The following CCDC192 variants were observed in gnomAD, a reference collection of about 807,000 sequenced individuals.
CCDC192 encodes the protein coiled-coil domain containing 192.
At chr5:127,736,716 T>A (rs1168070190) in intron 2 of CCDC192, among the ~76,000 whole-genome samples, 3 of 151,492 alleles carry the variant, frequency 2.0e-5, no homozygotes, top group Non-Finnish European at 4.4e-5. Context: ...TTTATTTGCA[T>A]AGAGGTGTTT....
intron 5 of CCDC192, among the ~76,000 whole-genome samples, chr5:127,815,641 G>A (rs775517436): frequency 2.6e-5 from 4 of 152,140 alleles, no homozygotes; most frequent in African/African-American, 9.6e-5. Flanking sequence ...GGCTGAGACG[G>A]GTGGGTCACG....
rs1241789294 is a variant in CCDC192 at position 127,719,837 on chromosome 5, G to GGC, written c.114+12078_114+12079insCG. ...ATGGCCAGATCAGAGGAAGGGGCGG[G>GGC]GGAGGTGACACATGCTTTTTAAACC... On this transcript the variant is annotated intron_variant, in intron 2 of 6. Transcript: ENST00000514853. Among the ~76,000 whole-genome samples, 3 of 149,614 alleles carry GGC rather than the reference G, an allele frequency of 2.0e-5. 1 individual carries two copies. Among genetic ancestry groups the GGC allele is most frequent in the Non-Finnish European group, 4.5e-5 (3 of 67,236 alleles).
intron 5 of CCDC192, among the ~76,000 whole-genome samples, chr5:127,798,998 C>A (rs1191779225): frequency 6.6e-6 from 1 of 152,158 alleles, no homozygotes; most frequent in Non-Finnish European, 1.5e-5. Flanking sequence ...AGGATCTGAA[C>A]AACCCAAATG....
intron 5 of CCDC192, among the ~76,000 whole-genome samples, chr5:127,839,943 C>G (rs546775131): frequency 6.6e-6 from 1 of 152,282 alleles, no homozygotes; most frequent in South Asian, 2.1e-4. Flanking sequence ...GCACCTACTT[C>G]ATAAAGTTTC....
intron 5 of CCDC192, among the ~76,000 whole-genome samples, chr5:127,816,118 A>C (rs980107838): frequency 1.3e-5 from 2 of 152,192 alleles, no homozygotes; most frequent in Non-Finnish European, 2.9e-5. Context: ...GGAGGGGCTT[A>C]TGATGGACTT....
At chr5:127,881,111 T>A (rs1319135700) in intron 6 of CCDC192, among the ~76,000 whole-genome samples, 2 of 152,138 alleles carry the variant, frequency 1.3e-5, no homozygotes, top group East Asian at 3.9e-4. Context: ...AAGAAATAAA[T>A]CTCCAGTGGT....
intron 3 of CCDC192, chr5:127,787,134 A>T (rs903556769): frequency 4.4e-6 from 1 of 227,722 alleles, no homozygotes; most frequent in African/African-American, 2.3e-5. Flanking sequence ...TACCATTCCA[A>T]ATTTATTCAC....
chr5:127,807,494 G>A (rs1032392630), intron 5 of CCDC192, among the ~76,000 whole-genome samples: 2 of 151,866 alleles, frequency 1.3e-5, no homozygotes, highest in African/African-American at 2.4e-5. Context: ...GCTTCTTGGG[G>A]GTAGAGCCTG....
At chr5:127,939,252 G>A (rs1387828612) in intron 6 of CCDC192, among the ~76,000 whole-genome samples, 1 of 150,950 alleles carries the variant, frequency 6.6e-6, no homozygotes, top group Non-Finnish European at 1.5e-5. Context: ...CGAGTAGCTG[G>A]GATTACAGGT....
At chr5:127,761,440 C>T (rs1270977310) in intron 3 of CCDC192, among the ~76,000 whole-genome samples, 1 of 152,124 alleles carries the variant, frequency 6.6e-6, no homozygotes, top group Non-Finnish European at 1.5e-5. Context: ...TGTGGGACTA[C>T]GCTTAAACTT....
intron 5 of CCDC192, among the ~76,000 whole-genome samples, chr5:127,813,637 G>C (rs1758201826): frequency 6.6e-6 from 1 of 152,094 alleles, no homozygotes; most frequent in African/African-American, 2.4e-5. Flanking sequence ...TGACTGAAAA[G>C]TTTTGTCATA....
intron 6 of CCDC192, among the ~76,000 whole-genome samples, chr5:127,905,326 T>C (rs1753166062): frequency 6.6e-6 from 1 of 152,214 alleles, no homozygotes. Flanking sequence ...ATTCCCTCTA[T>C]GCATAATAAG....
intron 2 of CCDC192, among the ~76,000 whole-genome samples, chr5:127,745,132 A>G (rs1457275098): frequency 6.6e-6 from 1 of 152,184 alleles, no homozygotes; most frequent in African/African-American, 2.4e-5. Flanking sequence ...CTGTTCAGCA[A>G]AGTCCCATCT....
At chr5:127,779,614 A>G (rs77756711) in intron 3 of CCDC192, among the ~76,000 whole-genome samples, 403 of 152,358 alleles carry the variant, frequency 2.6e-3, no homozygotes, top group African/African-American at 8.9e-3. Flanking sequence ...GTAAAATTAC[A>G]TACCATCACC....
intron 3 of CCDC192, among the ~76,000 whole-genome samples, chr5:127,773,366 C>T (rs1445383319): frequency 6.6e-6 from 1 of 152,172 alleles, no homozygotes; most frequent in Non-Finnish European, 1.5e-5. Context: ...GCAACCAACT[C>T]TTTCAAGTTT....
rs567043768 is a variant in CCDC192 at position 127,793,663 on chromosome 5, AT to A, written c.223-3439del. Among the ~76,000 whole-genome samples the A allele has an allele frequency of 9.5e-4, 145 of 152,358 alleles. 2 individuals are homozygous for A. The highest frequency in any genetic ancestry group is 3.3e-3 in the African/African-American group (139 of 41,580). ...ATCTTTACAATGAAGATAACAAAAAATATAAAGAAAATTGCTGATAGGGTTT... is the reference window on the plus strand; with the variant it reads ...ATCTTTACAATGAAGATAACAAAAAAATAAAGAAAATTGCTGATAGGGTTT... On this transcript the variant is annotated intron_variant, in intron 3 of 6. Coordinates refer to ENST00000514853, the MANE Select transcript of CCDC192 (RefSeq NM_001317938.2).
At chr5:127,925,753 C>T (rs546375787) in intron 6 of CCDC192, among the ~76,000 whole-genome samples, 1 of 152,308 alleles carries the variant, frequency 6.6e-6, no homozygotes, top group African/African-American at 2.4e-5. Context: ...TATTGCTTCT[C>T]GTTCGCTTAA....
At chr5:127,709,207 GA>G (rs1751174837) in intron 2 of CCDC192, among the ~76,000 whole-genome samples, 2 of 17,190 alleles carry the variant, frequency 1.2e-4, no homozygotes, top group Admixed American at 6.0e-4. Context: ...GAGGGGGAGA[GA>G]GAGAGAGAGA....
chr5:127,914,181 G>T (rs1753452583), intron 6 of CCDC192, among the ~76,000 whole-genome samples: 1 of 152,196 alleles, frequency 6.6e-6, no homozygotes, highest in African/African-American at 2.4e-5. Context: ...TGGATGTGGA[G>T]AGCTGATTGG....
Sources: allele counts gnomAD v4.1 joint callset (sites outside exome capture counted in the v4.1 genomes callset), GRCh38; gene constraint gnomAD v4.1.1; transcripts MANE v1.5; gene names NCBI Gene and HGNC (gene_info 2026-07-23, HGNC 2026-07-21).